WDFY4: variants seen among roughly 807,000 people sequenced by gnomAD.
WDFY4 encodes the protein WDFY family member 4.
Under a neutral mutation model 351.9 loss-of-function variants are expected in WDFY4, and 169 were observed. That is an observed-to-expected ratio of 0.48 (90% CI 0.42 to 0.55). The LOEUF (loss-of-function observed/expected upper bound fraction) is 0.55. WDFY4 is among the 20% of genes least tolerant of loss of function. The pLI is 0.00. For synonymous variants in WDFY4, 1,622 were observed against 1,574.6 expected, an observed-to-expected ratio of 1.03 and a Z score of -0.71; for missense variants, 3,803 against 3,935.6, an observed-to-expected ratio of 0.97 and a Z score of 0.90.
At chr10:48,924,960 C>T (rs1839444069) in intron 47 of WDFY4, among the ~76,000 whole-genome samples, 1 of 152,210 alleles carries the variant, frequency 6.6e-6, no homozygotes, top group Admixed American at 6.5e-5. Context: ...ATTCTTTCAA[C>T]TGATCCATTG....
intron 40 of WDFY4, among the ~76,000 whole-genome samples, chr10:48,871,473 C>CG (rs1564435141): frequency 7.3e-6 from 1 of 137,132 alleles, no homozygotes; most frequent in African/African-American, 2.6e-5. Context: ...TGGCCCCCCC[C>CG]TTTTTTTTTT....
chr10:48,767,948 A>G (rs2065725039), intron 13 of WDFY4, among the ~76,000 whole-genome samples: 1 of 152,148 alleles, frequency 6.6e-6, no homozygotes, highest in Non-Finnish European at 1.5e-5. Context: ...GGTCCCGGGC[A>G]GGCAGGCTCT....
intron 51 of WDFY4, among the ~76,000 whole-genome samples, chr10:48,947,405 C>A (rs1003614939): frequency 6.6e-6 from 1 of 152,186 alleles, no homozygotes; most frequent in Non-Finnish European, 1.5e-5. Flanking sequence ...AACTGAAAGG[C>A]TTCGAAGGAC....
chr10:48,746,214 A>G (rs769887788), intron 12 of WDFY4: 3 of 152,264 alleles, frequency 2.0e-5, no homozygotes, highest in Admixed American at 6.5e-5. Context: ...GGATGTGTCA[A>G]TTTCTGATGA....
chr10:48,859,636 G>T (rs1293752063), intron 39 of WDFY4, among the ~76,000 whole-genome samples: 1 of 152,050 alleles, frequency 6.6e-6, no homozygotes, highest in African/African-American at 2.4e-5. Flanking sequence ...AAGAAATTTT[G>T]CAGCTATTCG....
At position 48,734,115 on chromosome 10, in the gene WDFY4, A is replaced by C; in HGVS notation, c.1687+80A>C. ...CCTGGTTATTTATGGCAGTGTTCAC[A>C]GGTTATACTCAAGGAGTAACCAATA... On this transcript the variant is annotated intron_variant, in intron 10 of 61. Transcript: ENST00000325239. The C allele has an allele frequency of 2.3e-6, 3 of 1,279,064 alleles. No individual in the cohort carries two copies. The East Asian group carries it at 7.6e-5, about 32-fold the overall frequency. The allele number at this position is 1,279,064 out of a possible 1,614,324, so 79.2% of individuals were successfully genotyped here.
At chr10:48,909,969 T>A (rs1837852641) in intron 47 of WDFY4, 1 of 503,180 alleles carries the variant, frequency 2.0e-6, no homozygotes, top group Non-Finnish European at 3.5e-6. Context: ...CTATAATATA[T>A]AATCTGTAAT....
At chr10:48,921,049 C>T (rs1375834000) in intron 47 of WDFY4, among the ~76,000 whole-genome samples, 2 of 152,072 alleles carry the variant, frequency 1.3e-5, no homozygotes, top group Non-Finnish European at 2.9e-5. Context: ...AATTGGATGA[C>T]TTAATGTCAA....
intron 39 of WDFY4, among the ~76,000 whole-genome samples, chr10:48,858,239 CCAGTT>C (rs535971238): frequency 2.3e-4 from 35 of 152,154 alleles, no homozygotes; most frequent in East Asian, 1.2e-3. Context: ...ATGTTGATGT[CCAGTT>C]CATTAATTTT....
At chr10:48,797,695 C>A (rs1355093467) in intron 24 of WDFY4, among the ~76,000 whole-genome samples, 1 of 152,104 alleles carries the variant, frequency 6.6e-6, no homozygotes. Flanking sequence ...TTTTTAGATT[C>A]TTTCTATATT....
At chr10:48,738,561 T>A (rs1452477663) in intron 11 of WDFY4, among the ~76,000 whole-genome samples, 2 of 152,190 alleles carry the variant, frequency 1.3e-5, no homozygotes, top group Admixed American at 6.5e-5. Flanking sequence ...ACTGCTGCTC[T>A]AGGGGGCACT....
At chr10:48,928,158 G>T (rs1009000459) in intron 47 of WDFY4, among the ~76,000 whole-genome samples, 2 of 152,138 alleles carry the variant, frequency 1.3e-5, no homozygotes, top group East Asian at 1.9e-4. Context: ...TCAGAGAAGC[G>T]GCTTGGCAGG....
chr10:48,815,265 A>AT (rs1213979139), intron 31 of WDFY4, among the ~76,000 whole-genome samples: 1 of 152,188 alleles, frequency 6.6e-6, no homozygotes, highest in African/African-American at 2.4e-5. Flanking sequence ...TGATGGCTTC[A>AT]TAGTTGAGTT....
chr10:48,808,931 T>C (rs2067347713), intron 28 of WDFY4, among the ~76,000 whole-genome samples: 1 of 152,234 alleles, frequency 6.6e-6, no homozygotes, highest in African/African-American at 2.4e-5. Context: ...ATAAAAATTG[T>C]ATTATGTTGG....
At chr10:48,846,525 A>G (rs1201294876) in intron 39 of WDFY4, among the ~76,000 whole-genome samples, 3 of 152,214 alleles carry the variant, frequency 2.0e-5, no homozygotes, top group Non-Finnish European at 2.9e-5. Flanking sequence ...GGTGCTGTGA[A>G]TCACTGGCTG....
intron 34 of WDFY4, 42 bp downstream of exon 34, chr10:48,821,218 C>A: frequency 6.8e-7 from 1 of 1,463,622 alleles, no homozygotes; most frequent in Non-Finnish European, 9.4e-7. Flanking sequence ...TGACATGAGG[C>A]TGCTGACAGT....
intron 12 of WDFY4, among the ~76,000 whole-genome samples, chr10:48,753,043 A>C (rs2065230656): frequency 6.6e-6 from 1 of 151,768 alleles, no homozygotes; most frequent in Non-Finnish European, 1.5e-5. Flanking sequence ...TTTCCCTTTA[A>C]AAAATTTTTT....
At chr10:48,910,614 C>A (rs1039508680) in intron 47 of WDFY4, among the ~76,000 whole-genome samples, 2 of 152,162 alleles carry the variant, frequency 1.3e-5, no homozygotes, top group African/African-American at 2.4e-5. Flanking sequence ...CATTTCCTGG[C>A]TAAAGAGGTG....
chr10:48,686,140 A>T (rs2063040237), intron 1 of WDFY4, among the ~76,000 whole-genome samples: 1 of 152,084 alleles, frequency 6.6e-6, no homozygotes, highest in African/African-American at 2.4e-5. Context: ...TCCTGAGCAC[A>T]TGGGCTATTC....
Sources: allele counts gnomAD v4.1 joint callset (sites outside exome capture counted in the v4.1 genomes callset), GRCh38; gene constraint gnomAD v4.1.1; transcripts MANE v1.5; gene names NCBI Gene and HGNC (gene_info 2026-07-23, HGNC 2026-07-21).